The following PCDH15 variants were observed in gnomAD, a reference collection of about 807,000 sequenced individuals.
PCDH15 encodes protocadherin related 15.
PCDH15 carries 129 observed loss-of-function variants against 178.5 expected under a neutral mutation model. The observed-to-expected ratio is 0.72, with a 90% CI of 0.63 to 0.84. The LOEUF (loss-of-function observed/expected upper bound fraction) is 0.84, where lower values mean the gene tolerates loss of function less well. Ranked by LOEUF, PCDH15 falls within the 40% of genes least tolerant of loss-of-function variation. The pLI, the probability that PCDH15 is intolerant of heterozygous loss-of-function variation, is 0.00. For synonymous variants in PCDH15, 800 were observed against 732.0 expected (o/e 1.09, Z -1.50); for missense variants, 2,230 against 2,099.9 (o/e 1.06, Z -1.21).
chr10:54,563,437 C>A (rs2088522312), intron 2 of PCDH15, among the ~76,000 whole-genome samples: 1 of 152,018 alleles, frequency 6.6e-6, no homozygotes. Context: ...ACAACAGGCC[C>A]AAATTATAAT....
At chr10:54,597,297 G>C (rs2092289084) in intron 2 of PCDH15, among the ~76,000 whole-genome samples, 1 of 151,968 alleles carries the variant, frequency 6.6e-6, no homozygotes, top group African/African-American at 2.4e-5. Flanking sequence ...AAGAAAATCA[G>C]TCAAAACCAT....
At chr10:54,480,190 C>G (rs918731476) in intron 3 of PCDH15, among the ~76,000 whole-genome samples, 8 of 152,046 alleles carry the variant, frequency 5.3e-5, no homozygotes, top group Non-Finnish European at 1.0e-4. Context: ...TTATGAATAA[C>G]AGCAAACTTG....
intron 15 of PCDH15, among the ~76,000 whole-genome samples, chr10:54,125,540 G>T (rs1287189916): frequency 6.6e-6 from 1 of 152,192 alleles, no homozygotes; most frequent in Non-Finnish European, 1.5e-5. Flanking sequence ...TGAAGGGATT[G>T]TGGGCAAGTC....
chr10:55,500,210 ATGT>A (rs1840624882), intron 2 of PCDH15, among the ~76,000 whole-genome samples: 1 of 151,732 alleles, frequency 6.6e-6, no homozygotes, highest in African/African-American at 2.4e-5. Context: ...ATGTATTAGG[ATGT>A]ATGATATTTT....
chr10:54,503,518 T>A (rs138793419), intron 3 of PCDH15, among the ~76,000 whole-genome samples: 7 of 147,480 alleles, frequency 4.7e-5, no homozygotes, highest in African/African-American at 7.5e-5. Flanking sequence ...ATAGAATATT[T>A]AAAAAAAAAA....
intron 1 of PCDH15, among the ~76,000 whole-genome samples, chr10:54,786,025 T>C (rs1950841248): frequency 6.6e-6 from 1 of 152,030 alleles, no homozygotes; most frequent in African/African-American, 2.4e-5. Context: ...GTATTGAGTG[T>C]CCACACTTAT....
chr10:54,631,619 G>T (rs929793548), intron 2 of PCDH15, among the ~76,000 whole-genome samples: 1 of 152,058 alleles, frequency 6.6e-6, no homozygotes, highest in African/African-American at 2.4e-5. Context: ...TTCCATCATA[G>T]CACTATGCAC....
At chr10:54,981,897 T>A (rs1839241494) in intron 2 of PCDH15, among the ~76,000 whole-genome samples, 1 of 151,632 alleles carries the variant, frequency 6.6e-6, no homozygotes, top group Admixed American at 6.6e-5. Flanking sequence ...CACCACAGCC[T>A]CCTGAGTAGC....
chr10:55,385,732 C>T (rs867152313), intron 2 of PCDH15, among the ~76,000 whole-genome samples: 251 of 136,648 alleles, frequency 1.8e-3, no homozygotes, highest in African/African-American at 6.5e-3. Flanking sequence ...TATATATATA[C>T]ACGTATATAG....
chr10:54,608,432 C>T (rs747623114), intron 2 of PCDH15, among the ~76,000 whole-genome samples: 1 of 151,832 alleles, frequency 6.6e-6, no homozygotes, highest in Non-Finnish European at 1.5e-5. Flanking sequence ...TTTAGTGAAA[C>T]CTCATCACTA....
intron 2 of PCDH15, among the ~76,000 whole-genome samples, chr10:55,401,351 A>AT (rs34244900): frequency 0.44 from 66,990 of 151,562 alleles, 15,584 homozygotes; most frequent in Middle Eastern, 0.52. Flanking sequence ...TATGAGATTA[A>AT]TTTTTTTTGT....
chr10:55,284,587 T>C lies in PCDH15; in HGVS notation c.-156+35012A>G, dbSNP rs974416157. ...GCATATTATTTTTTCTATTTTTCAT[T>C]GTTACATACCAATAATTGATTTCAG... On this transcript the variant is annotated intron_variant, in intron 1 of 5. Coordinates refer to the PCDH15 transcript ENST00000458638. 7.9e-5 allele frequency among the ~76,000 whole-genome samples: 12 copies of C among 152,096 alleles called. 1 individual carries two copies. The highest frequency in any genetic ancestry group is 2.7e-4 in the African/African-American group (11 of 41,426).
At chr10:55,390,616 G>C (rs1375870919) in intron 2 of PCDH15, among the ~76,000 whole-genome samples, 25 of 152,122 alleles carry the variant, frequency 1.6e-4, no homozygotes, top group Admixed American at 1.6e-3. Flanking sequence ...ATCTGTCAGA[G>C]GGATCAGTTT....
At chr10:54,810,404 T>C (rs1437194895) in intron 3 of PCDH15, among the ~76,000 whole-genome samples, 2 of 152,066 alleles carry the variant, frequency 1.3e-5, no homozygotes, top group African/African-American at 4.8e-5. Flanking sequence ...TAGAGTTCTA[T>C]TAAGGAGTGA....
At chr10:55,127,535 T>C (rs1045070395) in intron 2 of PCDH15, among the ~76,000 whole-genome samples, 34 of 152,076 alleles carry the variant, frequency 2.2e-4, no homozygotes, top group Non-Finnish European at 4.1e-4. Flanking sequence ...ATTTTTGCTG[T>C]TATTATTTTG....
chr10:53,937,126 G>A (rs2085648799), intron 25 of PCDH15, among the ~76,000 whole-genome samples: 1 of 152,154 alleles, frequency 6.6e-6, no homozygotes, highest in African/African-American at 2.4e-5. Flanking sequence ...GGGGCACATG[G>A]AAGTATACAC....
intron 2 of PCDH15, among the ~76,000 whole-genome samples, chr10:55,465,003 G>A (rs1269947304): frequency 1.3e-5 from 2 of 151,872 alleles, no homozygotes; most frequent in Admixed American, 6.6e-5. Context: ...AACTAGTGCC[G>A]GGTAAATGCA....
intron 3 of PCDH15, among the ~76,000 whole-genome samples, chr10:54,510,942 C>G (rs1376401094): frequency 6.6e-6 from 1 of 152,014 alleles, no homozygotes; most frequent in Non-Finnish European, 1.5e-5. Flanking sequence ...GAATGAACAT[C>G]GACCACTGGT....
At chr10:54,014,525 A>C (rs2135205999) in intron 20 of PCDH15, among the ~76,000 whole-genome samples, 1 of 152,306 alleles carries the variant, frequency 6.6e-6, no homozygotes, top group South Asian at 2.1e-4. Context: ...TCAACAAAAT[A>C]CTGGCAAACC....
Sources: allele counts gnomAD v4.1 joint callset (sites outside exome capture counted in the v4.1 genomes callset), GRCh38; gene constraint gnomAD v4.1.1; transcripts MANE v1.5; gene names NCBI Gene and HGNC (gene_info 2026-07-23, HGNC 2026-07-21).